The following RAD50 variants were observed in gnomAD, a reference collection of about 807,000 sequenced individuals.
The protein encoded by RAD50 is DNA repair protein RAD50.
Under a neutral mutation model 168.8 loss-of-function variants are expected in RAD50, and 132 were observed. The ratio of observed to expected loss-of-function variants is 0.78; its 90% confidence interval spans 0.68 to 0.90. The LOEUF (loss-of-function observed/expected upper bound fraction) is 0.90. Ranked by LOEUF, RAD50 falls within the 40% of genes least tolerant of loss-of-function variation. The pLI, the probability that RAD50 is intolerant of heterozygous loss-of-function variation, is 0.00. For synonymous variants in RAD50, 525 were observed against 497.4 expected, an observed-to-expected ratio of 1.06 and a Z score of -0.74; for missense variants, 1,347 against 1,534.4, an observed-to-expected ratio of 0.88 and a Z score of 2.04.
At chr5:132,568,114 A>G (rs1386302200) in intron 2 of RAD50, among the ~76,000 whole-genome samples, 2 of 151,584 alleles carry the variant, frequency 1.3e-5, no homozygotes, top group Non-Finnish European at 2.9e-5. Context: ...TCTGTTTCCC[A>G]GGCTGGAGTG....
chr5:132,637,821 C>T (rs116815412), intron 22 of RAD50, among the ~76,000 whole-genome samples: 6 of 152,248 alleles, frequency 3.9e-5, no homozygotes, highest in South Asian at 2.1e-4. Context: ...CGTGAGCCAC[C>T]GCGCCTGGCC....
chr5:132,583,809 T>G (rs998922906), intron 5 of RAD50, among the ~76,000 whole-genome samples: 5 of 149,202 alleles, frequency 3.4e-5, no homozygotes, highest in African/African-American at 7.4e-5. Flanking sequence ...TTCTCCTACC[T>G]CAGCCTCCCA....
chr5:132,586,409 A>G (rs1750595348), intron 5 of RAD50, among the ~76,000 whole-genome samples: 1 of 152,212 alleles, frequency 6.6e-6, no homozygotes, highest in Non-Finnish European at 1.5e-5. Context: ...GCAGACATTC[A>G]ATCAGTGATA....
chr5:132,629,025 G>T (rs1367745270), intron 21 of RAD50, among the ~76,000 whole-genome samples: 1 of 152,112 alleles, frequency 6.6e-6, no homozygotes, highest in Non-Finnish European at 1.5e-5. Flanking sequence ...TGCAAGGTCA[G>T]CTCTTCTCTT....
At chr5:132,640,007 C>T (rs1426212051) in intron 23 of RAD50, among the ~76,000 whole-genome samples, 1 of 152,206 alleles carries the variant, frequency 6.6e-6, no homozygotes, top group Admixed American at 6.5e-5. Flanking sequence ...TCTCTCAATT[C>T]TGTGTGTCTT....
chr5:132,632,519 C>T (rs1442797588), intron 21 of RAD50, among the ~76,000 whole-genome samples: 5 of 151,902 alleles, frequency 3.3e-5, no homozygotes, highest in Non-Finnish European at 2.9e-5. Context: ...TAATCTTTTA[C>T]GTTCATATAT....
At chr5:132,585,841 G>T (rs1750587564) in intron 5 of RAD50, among the ~76,000 whole-genome samples, 1 of 151,992 alleles carries the variant, frequency 6.6e-6, no homozygotes, top group Non-Finnish European at 1.5e-5. Context: ...CAATCAGCCT[G>T]CCTCAGTCTC....
In RAD50 at chr5:132,557,301, G is replaced by A. The variant is rs1561626878; in HGVS notation, c.-24G>A. Reference sequence around the variant, plus strand: ...AGCCTTTGTGGGCTCCAGGTCCCTGGTGAGATTAGAAACGTTTGCAAACAT... The same window carrying A: ...AGCCTTTGTGGGCTCCAGGTCCCTGATGAGATTAGAAACGTTTGCAAACAT... On this transcript the variant is annotated 5_prime_UTR_variant, in exon 1 of 25. In the 5' UTR this introduces an upstream ATG that the reference lacks. Coordinates refer to ENST00000378823, the MANE Select transcript of RAD50 (RefSeq NM_005732.4). 2 of 1,613,844 alleles carry A rather than the reference G, an allele frequency of 1.2e-6. No homozygotes were observed. The highest frequency in any genetic ancestry group is 1.1e-5 in the South Asian group (1 of 91,086).
chr5:132,559,145 T>G (rs570470518), intron 1 of RAD50, 139 bp from the exon 2 acceptor site: 1 of 858,184 alleles, frequency 1.2e-6, no homozygotes, highest in East Asian at 2.9e-5. Context: ...TAATCATATT[T>G]TTATTACAGG....
Position 132,634,780 on chromosome 5 carries a change from T to C in RAD50, c.3390-2335T>C, listed in dbSNP as rs188672992. Among the ~76,000 whole-genome samples the C allele has an allele frequency of 1.7e-3, 261 of 152,344 alleles. 1 individual carries two copies. The highest frequency in any genetic ancestry group is 0.01 in the Middle Eastern group (3 of 294). ...TATCAAAATTCAGTGTTATAGTGTA[T>C]CAAATGTTTTTATGACATCTATTGA... is the stretch of plus-strand genomic sequence containing the variant. On this transcript the variant is annotated intron_variant, in intron 21 of 24. Coordinates refer to ENST00000378823, the MANE Select transcript of RAD50 (RefSeq NM_005732.4).
rs201461054 is a variant in RAD50, at chr5:132,588,842, A to C, written c.1207A>C (p.Arg403=). 2 of 1,614,038 alleles carry C rather than the reference A, an allele frequency of 1.2e-6. No individual in the cohort carries two copies. Among genetic ancestry groups the C allele is most frequent in the African/African-American group, 2.7e-5 (2 of 75,034 alleles). Residue 403 remains arginine (R), a synonymous_variant, in exon 8 of 25, where the codon AGA becomes CGA. Coordinates refer to ENST00000378823, the MANE Select transcript of RAD50 (RefSeq NM_005732.4). ...IKNFHKLVRE[R]QEGEAKTANQ... is the part of the protein sequence containing the mutation. Reference sequence around the variant, plus strand: ...AAATTTTCACAAACTTGTGAGAGAGAGACAAGAAGGGGAAGCAAAAACTGC... The same window carrying C: ...AAATTTTCACAAACTTGTGAGAGAGCGACAAGAAGGGGAAGCAAAAACTGC...
chr5:132,597,398 T>C (rs139542996), intron 13 of RAD50, among the ~76,000 whole-genome samples: 152 of 152,260 alleles, frequency 1.0e-3, no homozygotes, highest in African/African-American at 3.6e-3. Flanking sequence ...TTTCCAACAT[T>C]AGGTTATTTA....
At chr5:132,641,357 C>A (rs1021406247) in intron 24 of RAD50, among the ~76,000 whole-genome samples, 1 of 152,116 alleles carries the variant, frequency 6.6e-6, no homozygotes, top group African/African-American at 2.4e-5. Flanking sequence ...GCAGCTCTTG[C>A]ATAAGGACTA....
chr5:132,595,075 CT>C, intron 12 of RAD50, 31 bp downstream of exon 12: 1 of 1,570,424 alleles, frequency 6.4e-7, no homozygotes, highest in Non-Finnish European at 8.7e-7. Flanking sequence ...TATCAGGATA[CT>C]TTGACACCTT....
intron 2 of RAD50, among the ~76,000 whole-genome samples, chr5:132,570,896 A>G (rs974353434): frequency 1.3e-5 from 2 of 152,196 alleles, no homozygotes; most frequent in African/African-American, 4.8e-5. Context: ...AATCATTTCT[A>G]GTTTTTGATT....
In RAD50 at chr5:132,644,606, A is replaced by G. The variant is rs1158361266; in HGVS notation, c.*2242A>G. 1.7e-5 allele frequency: 3 copies of G among 181,202 alleles called. No homozygotes were observed. The highest frequency in any genetic ancestry group is 3.5e-5 in the Non-Finnish European group (3 of 84,872). The allele number at this position is 181,202 out of a possible 1,614,324, so 11.2% of individuals were successfully genotyped here. On this transcript the variant is annotated 3_prime_UTR_variant, in exon 25 of 25. Coordinates refer to ENST00000378823, the MANE Select transcript of RAD50 (RefSeq NM_005732.4). ...AATACTGTGTAAGTGTTCAAGAAAA[A>G]GCTGTCTTCATTTCACTCTTGTTGC... is the stretch of plus-strand genomic sequence containing the variant.
At chr5:132,608,783 G>A in intron 17 of RAD50, 58 bp downstream of exon 17, 2 of 1,529,480 alleles carry the variant, frequency 1.3e-6, no homozygotes, top group Admixed American at 2.1e-5. Flanking sequence ...TATGTTCATA[G>A]CACCACGTCG....
chr5:132,627,642 G>A (rs2149858058), intron 21 of RAD50, among the ~76,000 whole-genome samples: 1 of 152,346 alleles, frequency 6.6e-6, no homozygotes, highest in Non-Finnish European at 1.5e-5. Flanking sequence ...TATAGTCAGG[G>A]ATAGACCATT....
chr5:132,596,322 T>A (rs991681369), intron 13 of RAD50, among the ~76,000 whole-genome samples: 3 of 152,162 alleles, frequency 2.0e-5, no homozygotes, highest in African/African-American at 7.2e-5. Flanking sequence ...AACTATGAGG[T>A]AGACACAGTC....
Sources: gnomAD v4.1 joint callset for allele counts (sites outside exome capture counted in the v4.1 genomes callset) on GRCh38, gnomAD v4.1.1 for gene constraint, MANE v1.5 for transcripts, NCBI Gene and HGNC (gene_info 2026-07-23, HGNC 2026-07-21) for gene names.